ARHGEF1: variants seen among roughly 807,000 people sequenced by gnomAD.
The protein encoded by ARHGEF1 is Rho guanine nucleotide exchange factor 1, also known as 115 kDa guanine nucleotide exchange factor.
Under a neutral mutation model 119.7 loss-of-function variants are expected in ARHGEF1, and 40 were observed. The observed-to-expected ratio is 0.33, with a 90% CI of 0.26 to 0.44. ARHGEF1 has a LOEUF of 0.44. Among genes scored for constraint, ARHGEF1 ranks in the 20% least tolerant of loss-of-function variants. ARHGEF1 has a pLI of 1.00. For missense variants in ARHGEF1, 976 were observed against 1,268.3 expected (o/e 0.77, Z 3.50); for synonymous variants, 494 against 521.0 (o/e 0.95, Z 0.71).
intron 13 of ARHGEF1, 108 bp from the exon 14 acceptor site, chr19:41,898,334 C>T (rs1386599214): frequency 1.5e-5 from 22 of 1,496,922 alleles, no homozygotes; most frequent in South Asian, 3.7e-5. Context: ...GGCCACCCTG[C>T]GGGCATCGAA....
rs954802184 is a variant in ARHGEF1 at position 41,904,529 on chromosome 19, G to A, written c.2161+146G>A. ...AGAAGTAGGTGGAGGTGGGCAGGGC[G>A]GGGCCAGGCCTAGAGGGTTTATAAG... On this transcript the variant is annotated intron_variant, in intron 22 of 28. Coordinates refer to ENST00000354532, the MANE Select transcript of ARHGEF1 (RefSeq NM_004706.4). This position sits in a 1 kb window ranked among gnomAD's most constrained non-coding sequence, Gnocchi z 8.4. The A allele has an allele frequency of 3.9e-5, 39 of 1,001,768 alleles. No homozygotes were observed. Among genetic ancestry groups the A allele is most frequent in the African/African-American group, 4.9e-5 (3 of 61,220 alleles). The allele number at this position is 1,001,768 out of a possible 1,614,324, so 62.1% of individuals were successfully genotyped here.
chr19:41,901,787 T>C, intron 14 of ARHGEF1, 100 bp from the exon 15 acceptor site: 1 of 1,429,598 alleles, frequency 7.0e-7, no homozygotes, highest in South Asian at 1.4e-5. Flanking sequence ...TCTAGGAAGC[T>C]TTCCTCCCTG....
intron 14 of ARHGEF1, among the ~76,000 whole-genome samples, chr19:41,900,233 G>T (rs1305971985): frequency 6.6e-6 from 1 of 152,130 alleles, no homozygotes; most frequent in Non-Finnish European, 1.5e-5. Flanking sequence ...ACTCGAGAGA[G>T]TAAGCCAGGA....
rs782418160 is a variant in ARHGEF1 at position 41,902,055 on chromosome 19, C to T, written c.1414+22C>T. 8.1e-6 allele frequency: 13 copies of T among 1,607,470 alleles called. No individual in the cohort carries two copies. The highest frequency in any genetic ancestry group is 1.1e-5 in the South Asian group (1 of 90,382). ...CATTGTGAGTGCAGAGCCAGGGTCC[C>T]TCTGTGTACCCCACTGCCCCACGGG... is the stretch of plus-strand genomic sequence containing the variant. On this transcript the variant is annotated intron_variant, in intron 15 of 28. Coordinates refer to ENST00000354532, the MANE Select transcript of ARHGEF1 (RefSeq NM_004706.4). This position sits in a 1 kb window ranked among gnomAD's most constrained non-coding sequence, Gnocchi z 6.5.
At chr19:41,914,579 C>T (rs73550624) in intron 18 of ARHGEF1, among the ~76,000 whole-genome samples, 1,814 of 86,434 alleles carry the variant, frequency 0.021, 404 homozygotes, top group African/African-American at 0.097. Flanking sequence ...GTCTCCGTCT[C>T]TCCCTCCCTT....
intron 14 of ARHGEF1, among the ~76,000 whole-genome samples, chr19:41,899,023 CAGTT>C (rs1295031793): frequency 5.9e-5 from 9 of 152,132 alleles, no homozygotes; most frequent in Admixed American, 2.0e-4. Flanking sequence ...GGCAGAGTCT[CAGTT>C]GGTCTCTCAG....
At chr19:41,898,228 C>G (rs1409836831) in intron 13 of ARHGEF1, 1 of 1,346,090 alleles carries the variant, frequency 7.4e-7, no homozygotes, top group Admixed American at 3.0e-5. Context: ...TTGAGGCCAA[C>G]TGTGGTCACA....
rs549521537 is a variant in ARHGEF1 at position 41,903,484 on chromosome 19, A to T, written c.1839+77A>T. 1.0e-4 allele frequency: 144 copies of T among 1,418,140 alleles called. No homozygotes were observed. The African/African-American group carries it at 1.8e-3, about 17-fold the overall frequency. 87.8% of individuals were successfully genotyped at this position (1,418,140 alleles called of 1,614,324 possible). A position where few individuals can be genotyped will look rare whatever the true frequency, so the allele number is the denominator to read the frequency against. On this transcript the variant is annotated intron_variant, in intron 19 of 28. Coordinates refer to ENST00000354532, the MANE Select transcript of ARHGEF1 (RefSeq NM_004706.4). This position sits in a 1 kb window ranked among gnomAD's most constrained non-coding sequence, Gnocchi z 4.2. ...GGGTGGACCCTACCTCAGCCTGTCCAGAAGTCACACCCCACCCCTTGGCTT... is the reference window on the plus strand; with the variant it reads ...GGGTGGACCCTACCTCAGCCTGTCCTGAAGTCACACCCCACCCCTTGGCTT...
chr19:41,901,839 C>G (rs1487265539), intron 14 of ARHGEF1, 48 bp from the exon 15 acceptor site: 8 of 1,590,638 alleles, frequency 5.0e-6, no homozygotes, highest in African/African-American at 2.7e-5. Context: ...GTCATGCCCC[C>G]TAGTCTGCAC....
chr19:41,909,570 A>G (rs1320631118), downstream of ARHGEF1: 6 of 985,892 alleles, frequency 6.1e-6, no homozygotes, highest in Non-Finnish European at 8.2e-6. The surrounding 1 kb of genome is among the most constrained non-coding windows in gnomAD (Gnocchi z 5.2). Context: ...TGGTGCACAG[A>G]GCACTAGAAC....
In ARHGEF1 at chr19:41,914,939, C is replaced by A. The variant is rs375382844; in HGVS notation, c.1865+8136C>A. 7.2e-5 allele frequency among the ~76,000 whole-genome samples: 9 copies of A among 125,622 alleles called. No homozygotes were observed. In the South Asian group the frequency reaches 1.9e-3, roughly 27 times the overall value. 82.4% of individuals were successfully genotyped at this position (125,622 alleles called of 152,430 possible). On this transcript the variant is annotated intron_variant, in intron 18 of 20. Coordinates refer to the ARHGEF1 transcript ENST00000599589. ...CCCTCCACCATCTCCGTCTCTGTCTCTCCCTCCTCTTCCACTATCTCTGTC... is the reference window on the plus strand; with the variant it reads ...CCCTCCACCATCTCCGTCTCTGTCTATCCCTCCTCTTCCACTATCTCTGTC...
intron 1 of ARHGEF1, chr19:41,884,620 G>A (rs1051494649): frequency 4.3e-5 from 57 of 1,326,450 alleles, no homozygotes; most frequent in Non-Finnish European, 5.9e-5. Context: ...CCACGTCCAT[G>A]TAAGATTTGG....
chr19:41,926,920 G>GTA (rs1393540714), intron 1 of ARHGEF1, among the ~76,000 whole-genome samples: 3 of 152,178 alleles, frequency 2.0e-5, no homozygotes, highest in African/African-American at 7.2e-5. Flanking sequence ...GACAGAGACA[G>GTA]AGAGACAGTA....
intron 18 of ARHGEF1, among the ~76,000 whole-genome samples, chr19:41,914,574 CGTCTCT>C (rs1568831584): frequency 5.6e-5 from 1 of 17,938 alleles, no homozygotes; most frequent in Admixed American, 7.7e-4. Flanking sequence ...TCTCTGTCTC[CGTCTCT>C]CCCTCCCTTT....
At chr19:41,915,913 G>A (rs555940150) in intron 18 of ARHGEF1, among the ~76,000 whole-genome samples, 165 of 152,242 alleles carry the variant, frequency 1.1e-3, no homozygotes, top group African/African-American at 3.5e-3. Context: ...CTGTGGATGG[G>A]GAGCAGCCAC....
intron 1 of ARHGEF1, among the ~76,000 whole-genome samples, chr19:41,924,675 G>C (rs1299680832): frequency 6.6e-6 from 1 of 152,128 alleles, no homozygotes; most frequent in Non-Finnish European, 1.5e-5. Context: ...GATAACCTCG[G>C]ACTTAAGATG....
chr19:41,888,105 C>CGGT lies in ARHGEF1; in HGVS notation c.24+1_24+3dup. The CGGT allele has an allele frequency of 6.2e-7, 1 of 1,613,862 alleles. No individual in the cohort carries two copies. Among genetic ancestry groups the CGGT allele is most frequent in the Non-Finnish European group, 8.5e-7 (1 of 1,179,974 alleles). On this transcript the variant is annotated inframe_insertion and splice_region_variant, in exon 2 of 29. Transcript: ENST00000354532. This position sits in a 1 kb window ranked among gnomAD's most constrained non-coding sequence, Gnocchi z 5.1. ...GAGATGGAAGACTTCGCCCGAGGGG[C>CGGT]GGTGAGTGGACAGAGCAAGGGGTGA... is the stretch of plus-strand genomic sequence containing the variant.
chr19:41,897,479 TCCTCC>T, intron 13 of ARHGEF1: 1 of 373,066 alleles, frequency 2.7e-6, no homozygotes. Flanking sequence ...AGTATGGAAA[TCCTCC>T]CCACCCCATA....
Position 41,902,857 on chromosome 19 carries a change from C to T in ARHGEF1, c.1697C>T (p.Thr566Ile). 1 of 1,613,150 alleles carries T rather than the reference C, an allele frequency of 6.2e-7. No individual in the cohort carries two copies. The highest frequency in any genetic ancestry group is 8.5e-7 in the Non-Finnish European group (1 of 1,179,898). ...ATCCCCACGGAGATGCAGCGGCTGA[C>T]CAAGTACCCCCTGCTCCTGCAGAGC... ...DMIPTEMQRL[T>I]KYPLLLQSIG... is the part of the protein sequence containing the mutation. Residue 566 changes from threonine (T) to isoleucine (I), a missense_variant, in exon 18 of 29, where the codon ACC becomes ATC. Thr to Ile is a moderately conservative substitution (Grantham distance 89, BLOSUM62 -1). Coordinates refer to ENST00000354532, the MANE Select transcript of ARHGEF1 (RefSeq NM_004706.4). This position sits in a 1 kb window ranked among gnomAD's most constrained non-coding sequence, Gnocchi z 6.5.
Sources: allele counts gnomAD v4.1 joint callset (sites outside exome capture counted in the v4.1 genomes callset), GRCh38; gene constraint gnomAD v4.1.1; non-coding constraint Gnocchi (gnomAD v3.1); transcripts MANE v1.5; gene names NCBI Gene and HGNC (gene_info 2026-07-23, HGNC 2026-07-21).